Variants in PRIM2 observed in about 807,000 individuals in gnomAD.
The protein encoded by PRIM2 is DNA primase large subunit.
In PRIM2, 39 loss-of-function variants were observed where a neutral mutation model predicts 67.3. The ratio of observed to expected loss-of-function variants is 0.58; its 90% CI spans 0.45 to 0.76. The LOEUF is 0.76. Among genes scored for constraint, PRIM2 ranks in the 30% least tolerant of loss-of-function variants. The pLI is 0.00. For synonymous variants in PRIM2, 143 were observed against 198.7 expected (o/e 0.72, Z 2.36); for missense variants, 398 against 598.7 (o/e 0.66, Z 3.50).
At chr6:57,245,303 A>C in the PRIM2 span, among the ~76,000 whole-genome samples, 4 of 152,166 alleles carry the variant, frequency 2.6e-5, no homozygotes, top group Non-Finnish European at 5.9e-5. Flanking sequence ...CAAAGATAAA[A>C]TTGTTAATTA....
rs1554348006 is a variant in PRIM2 at position 57,514,161 on chromosome 6, G to A, written c.761+6707G>A. Among the ~76,000 whole-genome samples the A allele has an allele frequency of 9.4e-4, 143 of 152,176 alleles. 5 individuals are homozygous for A. In the South Asian group the frequency reaches 0.023, roughly 25 times the overall value. ...ACTAGTTTTGTAAAATTCCTTTTCC[G>A]AAGGCAGTACATTTTGTTAATATGC... On this transcript the variant is annotated intron_variant, in intron 8 of 13. Coordinates refer to ENST00000615550, the MANE Select transcript of PRIM2 (RefSeq NM_000947.5).
chr6:57,405,855 T>C (rs1770870679), intron 7 of PRIM2, among the ~76,000 whole-genome samples: 1 of 152,016 alleles, frequency 6.6e-6, no homozygotes, highest in African/African-American at 2.4e-5. Context: ...TTGTGTCTGG[T>C]ACACAGTATA....
the PRIM2 span, among the ~76,000 whole-genome samples, chr6:57,306,795 C>T: frequency 2.6e-5 from 4 of 152,156 alleles, no homozygotes; most frequent in African/African-American, 9.7e-5. Flanking sequence ...TTGATCATTT[C>T]CCACTGACAG....
At chr6:57,480,259 TTTC>T (rs1259817926) in intron 7 of PRIM2, among the ~76,000 whole-genome samples, 2 of 152,222 alleles carry the variant, frequency 1.3e-5, no homozygotes, top group Non-Finnish European at 2.9e-5. Flanking sequence ...AAATTTAGTT[TTTC>T]TTCTTCCTTT....
chr6:57,308,188 G>A, the PRIM2 span, among the ~76,000 whole-genome samples: 2 of 151,522 alleles, frequency 1.3e-5, no homozygotes, highest in Non-Finnish European at 2.9e-5. Context: ...GAGTGCAGTG[G>A]CAGGATCATG....
the PRIM2 span, among the ~76,000 whole-genome samples, chr6:57,304,367 T>C: frequency 1.3e-5 from 2 of 152,200 alleles, no homozygotes; most frequent in African/African-American, 4.8e-5. Context: ...ACTGTATTAT[T>C]ATGAAACAAA....
intron 10 of PRIM2, among the ~76,000 whole-genome samples, chr6:57,574,029 T>G (rs1485568743): frequency 6.6e-6 from 1 of 151,840 alleles, no homozygotes; most frequent in African/African-American, 2.4e-5. Flanking sequence ...GGCCAATTCA[T>G]GCAAACTTCC....
chr6:57,499,118 A>G (rs1774072902), intron 7 of PRIM2, among the ~76,000 whole-genome samples: 1 of 152,206 alleles, frequency 6.6e-6, no homozygotes, highest in African/African-American at 2.4e-5. Flanking sequence ...TAGGTGTACA[A>G]CAAGAGTTAT....
the PRIM2 span, among the ~76,000 whole-genome samples, chr6:57,241,094 G>C: frequency 6.6e-6 from 1 of 151,770 alleles, no homozygotes; most frequent in Admixed American, 6.6e-5. Context: ...CATGGTGGTG[G>C]GCACCTGTAG....
the PRIM2 span, among the ~76,000 whole-genome samples, chr6:57,224,822 CA>C: frequency 6.6e-6 from 1 of 152,210 alleles, no homozygotes; most frequent in Non-Finnish European, 1.5e-5. Context: ...CACTTTGACA[CA>C]AGCATTATTT....
At chr6:57,340,017 A>C (rs989952438) in intron 5 of PRIM2, among the ~76,000 whole-genome samples, 3 of 152,004 alleles carry the variant, frequency 2.0e-5, no homozygotes, top group Non-Finnish European at 4.4e-5. Context: ...TGAGGAAAAA[A>C]AAACAACCCC....
Position 57,625,015 on chromosome 6 carries a change from C to T in PRIM2, c.1231-7118C>T, listed in dbSNP as rs1218314125. Among the ~76,000 whole-genome samples, 41 of 152,076 alleles carry T rather than the reference C, an allele frequency of 2.7e-4. No homozygotes were observed. In the East Asian group the frequency reaches 7.7e-3, roughly 29 times the overall value. ...CCATCATCAGATCTCGTGAGACTTACTCACTACCATGCGAACAGTATGGGG... is the reference window on the plus strand; with the variant it reads ...CCATCATCAGATCTCGTGAGACTTATTCACTACCATGCGAACAGTATGGGG... On this transcript the variant is annotated intron_variant, in intron 12 of 13. Transcript: ENST00000615550.
intron 13 of PRIM2, among the ~76,000 whole-genome samples, chr6:57,642,229 T>TG (rs1225153535): frequency 6.6e-5 from 10 of 151,628 alleles, no homozygotes; most frequent in East Asian, 5.8e-4. Context: ...AGGGCCTGTT[T>TG]GGGGGGGTTG....
intron 7 of PRIM2, among the ~76,000 whole-genome samples, chr6:57,474,424 T>G (rs1773424453): frequency 6.6e-6 from 1 of 152,158 alleles, no homozygotes; most frequent in African/African-American, 2.4e-5. Context: ...TCTGCCCGCC[T>G]CAGCCTCCCA....
At chr6:57,543,863 T>A (rs1775231128) in intron 10 of PRIM2, among the ~76,000 whole-genome samples, 2 of 152,336 alleles carry the variant, frequency 1.3e-5, no homozygotes, top group East Asian at 3.9e-4. Flanking sequence ...GTAACTGTCA[T>A]CCAAAGTATA....
chr6:57,320,613 G>C (rs973015064), intron 3 of PRIM2, 53 bp downstream of exon 3: 1 of 1,111,194 alleles, frequency 9.0e-7, no homozygotes, highest in South Asian at 1.4e-5. Context: ...TTTATGTATT[G>C]AGTGTCACTT....
chr6:57,241,735 C>T, the PRIM2 span, among the ~76,000 whole-genome samples: 10 of 129,720 alleles, frequency 7.7e-5, no homozygotes, highest in Admixed American at 9.3e-5. Flanking sequence ...TGCAGTGGCA[C>T]GATCTCGGCT....
intron 10 of PRIM2, among the ~76,000 whole-genome samples, chr6:57,591,048 G>A (rs1446613138): frequency 6.6e-6 from 1 of 152,154 alleles, no homozygotes; most frequent in Non-Finnish European, 1.5e-5. Context: ...CTCCTTTGGT[G>A]TGTTGTTTGG....
At chr6:57,491,993 A>C (rs1259289255) in intron 7 of PRIM2, among the ~76,000 whole-genome samples, 1 of 152,164 alleles carries the variant, frequency 6.6e-6, no homozygotes, top group East Asian at 1.9e-4. Context: ...GCATGTGTTA[A>C]GGAATGGAAT....
Sources: allele counts gnomAD v4.1 joint callset (sites outside exome capture counted in the v4.1 genomes callset), GRCh38; gene constraint gnomAD v4.1.1; transcripts MANE v1.5; gene names NCBI Gene and HGNC (gene_info 2026-07-23, HGNC 2026-07-21).